KIF26A: variants seen among roughly 807,000 people sequenced by gnomAD.
KIF26A encodes kinesin-like protein KIF26A.
Under a neutral mutation model 126.0 loss-of-function variants are expected in KIF26A, and 74 were observed. That is an observed-to-expected ratio of 0.59 (90% CI 0.49 to 0.71). KIF26A has a LOEUF of 0.71. Ranked by LOEUF, KIF26A falls within the 30% of genes least tolerant of loss-of-function variation. The pLI, the probability that KIF26A is intolerant of heterozygous loss-of-function variation, is 0.00. For synonymous variants in KIF26A, 1,445 were observed against 1,232.7 expected, an observed-to-expected ratio of 1.17 and a Z score of -3.61; for missense variants, 2,984 against 2,763.3, an observed-to-expected ratio of 1.08 and a Z score of -1.79.
In KIF26A at chr14:104,180,855, C is replaced by G. The variant is rs2038095628; in HGVS notation, c.*1065C>G. 1 of 153,542 alleles carries G rather than the reference C, an allele frequency of 6.5e-6. No homozygotes were observed. The highest frequency in any genetic ancestry group is 1.5e-5 in the Non-Finnish European group (1 of 68,176). The allele number at this position is 153,542 out of a possible 1,614,324, so 9.5% of individuals were successfully genotyped here. A position where few individuals can be genotyped will look rare whatever the true frequency, so the allele number is the denominator to read the frequency against. Reference sequence around the variant, plus strand: ...GTACAAATGTGTAGATGACATCTTGCTACAGCTTTTATTTGTGAATTAAAG... The same window carrying G: ...GTACAAATGTGTAGATGACATCTTGGTACAGCTTTTATTTGTGAATTAAAG... On this transcript the variant is annotated 3_prime_UTR_variant, in exon 15 of 15. Coordinates refer to ENST00000423312, the MANE Select transcript of KIF26A (RefSeq NM_015656.2).
Position 104,179,917 on chromosome 14 carries a change from CAG to C in KIF26A, c.*132_*133del. 4 of 1,004,870 alleles carry C rather than the reference CAG, an allele frequency of 4.0e-6. No homozygotes were observed. The highest frequency in any genetic ancestry group is 5.6e-6 in the Non-Finnish European group (4 of 720,272). 62.2% of individuals were successfully genotyped at this position (1,004,870 alleles called of 1,614,324 possible). A position where few individuals can be genotyped will look rare whatever the true frequency, so the allele number is the denominator to read the frequency against. ...GGGTTTCTGTGCAGGACGGGAGTCT[CAG>C]AGAGGAGACGGAGTGTGGGGGAGGG... On this transcript the variant is annotated 3_prime_UTR_variant, in exon 15 of 15. Coordinates refer to ENST00000423312, the MANE Select transcript of KIF26A (RefSeq NM_015656.2).
intron 10 of KIF26A, 24 bp from the exon 11 acceptor site, chr14:104,174,124 C>T (rs1794720059): frequency 1.3e-6 from 2 of 1,530,416 alleles, no homozygotes; most frequent in African/African-American, 2.8e-5. Flanking sequence ...AAGGCCTTGG[C>T]ATCTGAACCG....
chr14:104,153,557 C>T (rs12892623), intron 3 of KIF26A, among the ~76,000 whole-genome samples: 662 of 10,200 alleles, frequency 0.065, 4 homozygotes, highest in Non-Finnish European at 0.13. Flanking sequence ...GCCCCAGAGC[C>T]GAACCCCACC....
chr14:104,160,205 G>A (rs1350983810), intron 4 of KIF26A, among the ~76,000 whole-genome samples: 1 of 152,188 alleles, frequency 6.6e-6, no homozygotes, highest in Non-Finnish European at 1.5e-5. Flanking sequence ...TGAGGGTTGA[G>A]TAGGAGTCTG....
chr14:104,174,399 G>T (rs2037994270), intron 11 of KIF26A, 89 bp downstream of exon 11: 2 of 1,314,660 alleles, frequency 1.5e-6, no homozygotes, highest in African/African-American at 1.5e-5. Flanking sequence ...TGGGGTGGGG[G>T]TCAGCAGGTG....
At chr14:104,162,296 C>A (rs1202611537) in intron 4 of KIF26A, among the ~76,000 whole-genome samples, 3 of 152,182 alleles carry the variant, frequency 2.0e-5, no homozygotes, top group Non-Finnish European at 2.9e-5. Context: ...GGCGAACAAC[C>A]TTCCAGACTT....
intron 10 of KIF26A, 31 bp downstream of exon 10, chr14:104,173,899 A>C (rs113475777): frequency 6.5e-7 from 1 of 1,540,232 alleles, no homozygotes; most frequent in East Asian, 2.3e-5. Flanking sequence ...GGTGCCGACC[A>C]GGGTGGCCCC....
Position 104,172,560 on chromosome 14 carries a change from C to G in KIF26A, c.1327-15C>G. 7 of 1,606,012 alleles carry G rather than the reference C, an allele frequency of 4.4e-6. No homozygotes were observed. Among genetic ancestry groups the G allele is most frequent in the Non-Finnish European group, 4.3e-6 (5 of 1,174,498 alleles). ...GAAGGGGCCACAGCCCTGCCTGATT[C>G]TCTTGCCCCCCTAGGCCGAAGTCTG... On this transcript the variant is annotated splice_polypyrimidine_tract_variant and intron_variant, in intron 6 of 14. Coordinates refer to ENST00000423312, the MANE Select transcript of KIF26A (RefSeq NM_015656.2).
At chr14:104,171,297 T>G (rs2037954345) in intron 5 of KIF26A, among the ~76,000 whole-genome samples, 2 of 152,092 alleles carry the variant, frequency 1.3e-5, no homozygotes, top group South Asian at 4.1e-4. Flanking sequence ...GGCAGTTCAT[T>G]CCCTTATCTT....
At chr14:104,168,515 C>T (rs1315653550) in intron 5 of KIF26A, among the ~76,000 whole-genome samples, 1 of 152,150 alleles carries the variant, frequency 6.6e-6, no homozygotes, top group Non-Finnish European at 1.5e-5. Context: ...TCTTCATAGG[C>T]CATGGCGGGT....
rs754766215 is a variant in KIF26A, at chr14:104,175,109, C to T, written c.2321C>T (p.Pro774Leu). ...LDPDRTPPCLPGDPDYSSSSE... is the reference protein window; with the variant it reads ...LDPDRTPPCLLGDPDYSSSSE... ...CCCGACCGCACGCCTCCCTGCCTGC[C>T]CGGTGACCCCGATTACTCCTCCAGC... is the stretch of plus-strand genomic sequence containing the variant. Residue 774 changes from proline to leucine, a missense_variant, in exon 12 of 15, where the codon CCC (proline) becomes CTC (leucine). Coordinates refer to ENST00000423312, the MANE Select transcript of KIF26A (RefSeq NM_015656.2). 9.3e-6 allele frequency: 15 copies of T among 1,604,882 alleles called. No individual in the cohort carries two copies. The East Asian group carries it at 1.8e-4, about 19-fold the overall frequency.
chr14:104,175,171 C>T lies in KIF26A; in HGVS notation c.2383C>T (p.Pro795Ser). 1 of 1,607,028 alleles carries T rather than the reference C, an allele frequency of 6.2e-7. No homozygotes were observed. Among genetic ancestry groups the T allele is most frequent in the Non-Finnish European group, 8.5e-7 (1 of 1,177,746 alleles). ...QSCDTVIYVGPGGAALSDREL... is the reference protein window; with the variant it reads ...QSCDTVIYVGSGGAALSDREL... ...CTGTGACACGGTCATCTACGTGGGG[C>T]CCGGTGGGGCGGCGCTGTCAGACCG... is the stretch of plus-strand genomic sequence containing the variant. The change falls in exon 12 of 15, where the codon CCC (proline) becomes TCC (serine). Residue 795 changes from proline to serine, a missense_variant. Coordinates refer to ENST00000423312, the MANE Select transcript of KIF26A (RefSeq NM_015656.2).
chr14:104,150,526 C>T (rs181812654), intron 2 of KIF26A, among the ~76,000 whole-genome samples: 1 of 152,182 alleles, frequency 6.6e-6, no homozygotes, highest in East Asian at 2.0e-4. Flanking sequence ...ACAGCTGTTA[C>T]CACTGTGAGC....
intron 3 of KIF26A, among the ~76,000 whole-genome samples, chr14:104,153,372 C>G (rs2141096211): frequency 6.7e-6 from 1 of 149,916 alleles, no homozygotes; most frequent in African/African-American, 2.4e-5. Flanking sequence ...GATGGTTCCC[C>G]TGTGGCCTTG....
intron 4 of KIF26A, among the ~76,000 whole-genome samples, chr14:104,166,083 C>T (rs777735432): frequency 6.6e-6 from 1 of 152,102 alleles, no homozygotes; most frequent in Non-Finnish European, 1.5e-5. Context: ...AAGGCTGAGC[C>T]TCAGGGTGGG....
intron 6 of KIF26A, among the ~76,000 whole-genome samples, chr14:104,172,220 C>G (rs2037966336): frequency 1.3e-5 from 2 of 152,238 alleles, no homozygotes; most frequent in African/African-American, 4.8e-5. Flanking sequence ...CTGTTGGGCT[C>G]TGGGCTCTGG....
In KIF26A at chr14:104,178,714, C is replaced by T. The variant is rs1427783595; in HGVS notation, c.5275C>T (p.Leu1759Phe). 1.3e-5 allele frequency: 20 copies of T among 1,558,728 alleles called. No individual in the cohort carries two copies. Among genetic ancestry groups the T allele is most frequent in the Non-Finnish European group, 1.7e-5 (19 of 1,151,236 alleles). The change falls in exon 13 of 15, where the codon CTT becomes TTT. Residue 1759 changes from leucine (L) to phenylalanine (F), a missense_variant. Transcript: ENST00000423312. Reference sequence around the variant, plus strand: ...GTACGAGATCGATGACGTGGAGCGCCTTCAGCGGCCCCGCCCCACCCCGAG... The same window carrying T: ...GTACGAGATCGATGACGTGGAGCGCTTTCAGCGGCCCCGCCCCACCCCGAG... ...KVYEIDDVER[L>F]QRPRPTPREA...
At chr14:104,146,820 G>A (rs749017610) in intron 2 of KIF26A, among the ~76,000 whole-genome samples, 4 of 152,150 alleles carry the variant, frequency 2.6e-5, no homozygotes, top group Non-Finnish European at 5.9e-5. Flanking sequence ...TGGAGCTCAC[G>A]TGGAGACCGC....
chr14:104,139,163 G>A lies in KIF26A; in HGVS notation c.163G>A (p.Gly55Arg). The A allele has an allele frequency of 1.3e-6, 2 of 1,521,126 alleles. No individual in the cohort carries two copies. The highest frequency in any genetic ancestry group is 1.2e-5 in the South Asian group (1 of 80,572). 94.2% of individuals were successfully genotyped at this position (1,521,126 alleles called of 1,614,324 possible). The change falls in exon 2 of 15, where the codon GGG becomes AGG. Residue 55 changes from glycine (G) to arginine (R), a missense_variant. Gly to Arg is a moderately radical substitution (Grantham distance 125). Coordinates refer to ENST00000423312, the MANE Select transcript of KIF26A (RefSeq NM_015656.2). Reference sequence around the variant, plus strand: ...CAGCCGCCCTGCTCCCGAAGGCGCCGGGGCCGGCCCAGAGCAGGGCCACTC... The same window carrying A: ...CAGCCGCCCTGCTCCCGAAGGCGCCAGGGCCGGCCCAGAGCAGGGCCACTC... Reference protein sequence around the residue: ...CGSRPAPEGAGAGPEQGHSAG... With the variant: ...CGSRPAPEGARAGPEQGHSAG...
Sources: gnomAD v4.1 joint callset for allele counts (sites outside exome capture counted in the v4.1 genomes callset) on GRCh38, gnomAD v4.1.1 for gene constraint, MANE v1.5 for transcripts, NCBI Gene and HGNC (gene_info 2026-07-23, HGNC 2026-07-21) for gene names.